PLEKHA5: variants seen among roughly 807,000 people sequenced by gnomAD.
PLEKHA5 encodes the protein pleckstrin homology domain-containing family A member 5.
A neutral mutation model predicts 181.9 loss-of-function variants in PLEKHA5; 55 were observed. The ratio of observed to expected loss-of-function variants is 0.30; its 90% CI spans 0.24 to 0.38. The LOEUF (loss-of-function observed/expected upper bound fraction) is 0.38. Ranked by LOEUF, PLEKHA5 falls within the 10% of genes least tolerant of loss-of-function variation. The pLI is 1.00. For missense variants in PLEKHA5, 1,432 were observed against 1,549.5 expected, an observed-to-expected ratio of 0.92 and a Z score of 1.27; for synonymous variants, 535 against 529.4, an observed-to-expected ratio of 1.01 and a Z score of -0.15.
At chr12:19,289,932 T>C (rs571543834) in intron 13 of PLEKHA5, among the ~76,000 whole-genome samples, 2 of 151,808 alleles carry the variant, frequency 1.3e-5, no homozygotes, top group South Asian at 4.1e-4. Flanking sequence ...TTTATTTTAT[T>C]TTTATTTATT....
At chr12:19,269,686 T>A (rs2071972910) in intron 8 of PLEKHA5, 84 bp from the exon 9 acceptor site, 1 of 624,878 alleles carries the variant, frequency 1.6e-6, no homozygotes, top group East Asian at 2.8e-5. Context: ...CAACGTTCTA[T>A]GTCAGGAATC....
At chr12:19,197,910 C>G (rs2053323996) in intron 3 of PLEKHA5, among the ~76,000 whole-genome samples, 1 of 152,096 alleles carries the variant, frequency 6.6e-6, no homozygotes, top group Admixed American at 6.5e-5. Context: ...TTTTCTCTTT[C>G]CTTCAGTTAA....
intron 15 of PLEKHA5, among the ~76,000 whole-genome samples, chr12:19,294,551 A>G (rs1024397989): frequency 6.6e-6 from 1 of 152,134 alleles, no homozygotes; most frequent in Non-Finnish European, 1.5e-5. Context: ...TGCCTCCCCT[A>G]ATAAATCATC....
At chr12:19,307,250 A>G (rs2084251182) in intron 15 of PLEKHA5, 1 of 494,562 alleles carries the variant, frequency 2.0e-6, no homozygotes, top group Admixed American at 3.4e-5. Flanking sequence ...AGGAGGGTGG[A>G]TCACTTGAGG....
At chr12:19,153,949 G>A (rs764255755) in intron 3 of PLEKHA5, 2 of 152,146 alleles carry the variant, frequency 1.3e-5, no homozygotes, top group African/African-American at 4.8e-5. Context: ...AATCAGTCAT[G>A]GAGAAAGGGA....
chr12:19,241,805 T>C (rs2062667295), intron 3 of PLEKHA5, among the ~76,000 whole-genome samples: 1 of 151,634 alleles, frequency 6.6e-6, no homozygotes. Flanking sequence ...GATAAATACA[T>C]ACAATTTTTT....
At chr12:19,167,320 T>C (rs2044624548) in intron 3 of PLEKHA5, among the ~76,000 whole-genome samples, 1 of 152,004 alleles carries the variant, frequency 6.6e-6, no homozygotes, top group Non-Finnish European at 1.5e-5. Context: ...GCTTGTTTGA[T>C]TTAGGAACCT....
intron 10 of PLEKHA5, among the ~76,000 whole-genome samples, chr12:19,273,230 A>G (rs1297015017): frequency 6.6e-6 from 1 of 152,182 alleles, no homozygotes; most frequent in Admixed American, 6.5e-5. Flanking sequence ...TTCAAGAGAA[A>G]GAAGCACATA....
chr12:19,145,879 CA>C (rs2038803112), intron 3 of PLEKHA5, among the ~76,000 whole-genome samples: 1 of 151,942 alleles, frequency 6.6e-6, no homozygotes, highest in African/African-American at 2.4e-5. Context: ...AAGTAGAGTT[CA>C]AAAAATTGGA....
At chr12:19,365,028 A>T (rs2095381109) in intron 29 of PLEKHA5, among the ~76,000 whole-genome samples, 1 of 152,086 alleles carries the variant, frequency 6.6e-6, no homozygotes, top group Non-Finnish European at 1.5e-5. Context: ...CACCCACCTA[A>T]TGAAGTGCTA....
At chr12:19,199,359 A>T (rs2053662757) in intron 3 of PLEKHA5, among the ~76,000 whole-genome samples, 1 of 152,156 alleles carries the variant, frequency 6.6e-6, no homozygotes, top group Admixed American at 6.6e-5. Context: ...TATCAACAAC[A>T]TGTAGTGTCA....
rs751171523 is a variant in PLEKHA5, at chr12:19,343,467, A to G, written c.2662+33A>G. ...AGCTTTGCATTTTATTTTGTGACTG[A>G]CCACAGTATTACAGTCATGTGTCGC... On this transcript the variant is annotated intron_variant, in intron 22 of 31. Coordinates refer to ENST00000429027, the MANE Select transcript of PLEKHA5 (RefSeq NM_001256470.2). 4 of 1,182,768 alleles carry G rather than the reference A, an allele frequency of 3.4e-6. No individual in the cohort carries two copies. The South Asian group carries it at 4.9e-5, about 15-fold the overall frequency. 73.3% of individuals were successfully genotyped at this position (1,182,768 alleles called of 1,614,324 possible). A position where few individuals can be genotyped will look rare whatever the true frequency, so the allele number is the denominator to read the frequency against.
In PLEKHA5 at chr12:19,135,361, C is replaced by A. The variant is rs191590739; in HGVS notation, c.227+2911C>A. ...TAATGACTTTGGAGCTCAGTCTTCA[C>A]GTCTTTAAATTAGGTTACCTGGAAA... On this transcript the variant is annotated intron_variant, in intron 3 of 31. Transcript: ENST00000429027. Among the ~76,000 whole-genome samples, 31 of 152,158 alleles carry A rather than the reference C, an allele frequency of 2.0e-4. No individual in the cohort carries two copies. The East Asian group carries it at 2.3e-3, about 11-fold the overall frequency.
intron 3 of PLEKHA5, among the ~76,000 whole-genome samples, chr12:19,194,141 T>G (rs2052010096): frequency 6.6e-6 from 1 of 152,230 alleles, no homozygotes; most frequent in African/African-American, 2.4e-5. Context: ...CATTCCATAC[T>G]CTGCTTCCAT....
At chr12:19,139,135 G>A (rs924198823) in intron 3 of PLEKHA5, among the ~76,000 whole-genome samples, 8 of 152,160 alleles carry the variant, frequency 5.3e-5, no homozygotes, top group East Asian at 1.9e-4. Context: ...TGTTAAAGAC[G>A]AGCTGACAGG....
rs1371071661 is a variant in PLEKHA5 at position 19,369,325 on chromosome 12, A to T, written c.3755-368A>T. Among the ~76,000 whole-genome samples the T allele has an allele frequency of 4.7e-5, 5 of 106,618 alleles. No individual in the cohort carries two copies. The East Asian group carries it at 1.2e-3, about 26-fold the overall frequency. The allele number at this position is 106,618 out of a possible 152,430, so 69.9% of individuals were successfully genotyped here. A position where few individuals can be genotyped will look rare whatever the true frequency, so the allele number is the denominator to read the frequency against. The stretch of plus-strand genomic sequence containing the variant: ...GGTGGGATTACAGACATGAGCCACC[A>T]CGCCCAGCCAAAAAAAAAAAAATTT... On this transcript the variant is annotated intron_variant, in intron 30 of 31. Coordinates refer to ENST00000429027, the MANE Select transcript of PLEKHA5 (RefSeq NM_001256470.2).
At chr12:19,173,063 C>CCGGACTG (rs2046352155) in intron 3 of PLEKHA5, among the ~76,000 whole-genome samples, 1 of 124,474 alleles carries the variant, frequency 8.0e-6, no homozygotes, top group Admixed American at 1.0e-4. Context: ...GTCGCCCAGG[C>CCGGACTG]CGGACTGCGG....
chr12:19,245,787 T>C (rs1051910046), intron 3 of PLEKHA5, among the ~76,000 whole-genome samples: 1 of 149,032 alleles, frequency 6.7e-6, no homozygotes, highest in Admixed American at 6.7e-5. Context: ...GTTCAGAGTA[T>C]TGCTTTGTGA....
At chr12:19,264,293 C>T (rs959622696) in intron 7 of PLEKHA5, among the ~76,000 whole-genome samples, 3 of 152,002 alleles carry the variant, frequency 2.0e-5, no homozygotes, top group Admixed American at 6.6e-5. Flanking sequence ...AACGGCCTCA[C>T]GTAATCTAGG....
Sources: allele counts gnomAD v4.1 joint callset (sites outside exome capture counted in the v4.1 genomes callset), GRCh38; gene constraint gnomAD v4.1.1; transcripts MANE v1.5; gene names NCBI Gene and HGNC (gene_info 2026-07-23, HGNC 2026-07-21).